Variants in TFCP2L1 observed in about 807,000 individuals in gnomAD.
TFCP2L1 encodes transcription factor CP2 like 1.
Under a neutral mutation model 72.2 loss-of-function variants are expected in TFCP2L1, and 12 were observed. That is an observed-to-expected ratio of 0.17 (90% confidence interval 0.11 to 0.27). The LOEUF (loss-of-function observed/expected upper bound fraction) is 0.27, where lower values mean the gene tolerates loss of function less well. Ranked by LOEUF, TFCP2L1 falls within the 10% of genes least tolerant of loss-of-function variation. The pLI is 1.00. For missense variants in TFCP2L1, 488 were observed against 624.6 expected (o/e 0.78, Z 2.33); for synonymous variants, 260 against 251.0 (o/e 1.04, Z -0.34).
At position 121,285,105 on chromosome 2, in the gene TFCP2L1, A is replaced by G; in HGVS notation, c.5T>C (p.Leu2Pro). 1 of 1,510,694 alleles carries G rather than the reference A, an allele frequency of 6.6e-7. No individual in the cohort carries two copies. Among genetic ancestry groups the G allele is most frequent in the Non-Finnish European group, 8.8e-7 (1 of 1,130,058 alleles). The allele number at this position is 1,510,694 out of a possible 1,614,324, so 93.6% of individuals were successfully genotyped here. Residue 2 changes from leucine to proline, a missense_variant, in exon 1 of 15, where the codon CTC becomes CCC. This residue lies in a region of TFCP2L1 where 73 missense variants were observed against 59.7 expected (regional missense o/e 1.22). Transcript: ENST00000263707. ...GTGCTCGGGCTGCGTGTGCCAGAAG[A>G]GCATGGCTGGAACTCCCAGCGCGCC... M[L>P]FWHTQPEHYN...
intron 2 of TFCP2L1, among the ~76,000 whole-genome samples, chr2:121,269,424 G>GGT (rs931308947): frequency 1.3e-5 from 2 of 151,778 alleles, no homozygotes; most frequent in Non-Finnish European, 2.9e-5. Flanking sequence ...CTCTAGCCTG[G>GGT]GTGACAGAGG....
In TFCP2L1 at chr2:121,259,102, C is replaced by G. The variant is rs369584443; in HGVS notation, c.215-9455G>C. ...GTCTCTAGTAAAAATACAAAATTAG[C>G]CGGATGCGGTGGCTAATCCCAGCTA... On this transcript the variant is annotated intron_variant, in intron 2 of 14. Coordinates refer to ENST00000263707, the MANE Select transcript of TFCP2L1 (RefSeq NM_014553.3). 1.2e-4 allele frequency among the ~76,000 whole-genome samples: 18 copies of G among 152,134 alleles called. 1 individual carries two copies. The East Asian group carries it at 2.1e-3, about 18-fold the overall frequency.
intron 2 of TFCP2L1, among the ~76,000 whole-genome samples, chr2:121,249,897 T>C (rs1234581010): frequency 6.6e-6 from 1 of 152,228 alleles, no homozygotes. Context: ...ATAGCACCTC[T>C]ACAATGTTCA....
At chr2:121,234,885 A>G (rs2104673505) in intron 11 of TFCP2L1, among the ~76,000 whole-genome samples, 1 of 152,332 alleles carries the variant, frequency 6.6e-6, no homozygotes, top group South Asian at 2.1e-4. Flanking sequence ...GCGGGGGAGC[A>G]GCTCCGAGCC....
At chr2:121,243,196 C>T (rs1686413519) in intron 6 of TFCP2L1, among the ~76,000 whole-genome samples, 1 of 152,234 alleles carries the variant, frequency 6.6e-6, no homozygotes, top group Admixed American at 6.5e-5. Context: ...TGACCTCATG[C>T]CTACTTGGCG....
intron 6 of TFCP2L1, among the ~76,000 whole-genome samples, chr2:121,244,549 G>T (rs1289180038): frequency 6.6e-6 from 1 of 152,168 alleles, no homozygotes; most frequent in East Asian, 1.9e-4. Context: ...AGACCACGCA[G>T]CTTCCAGCCC....
chr2:121,269,907 T>TCAAAAAA (rs750107740), intron 2 of TFCP2L1, among the ~76,000 whole-genome samples: 2 of 77,606 alleles, frequency 2.6e-5, no homozygotes, highest in African/African-American at 1.3e-4. Context: ...AGACTCCATC[T>TCAAAAAA]AAAAAAAAAA....
rs777892301 is a variant in TFCP2L1, at chr2:121,246,926, G to A, written c.549C>T (p.Gly183=). 2.4e-5 allele frequency: 38 copies of A among 1,613,952 alleles called. 1 individual carries two copies. Among genetic ancestry groups the A allele is most frequent in the South Asian group, 1.2e-4 (11 of 91,060 alleles). Residue 183 remains glycine (G), a synonymous_variant, in exon 6 of 15, where the codon GGC becomes GGT. Coordinates refer to ENST00000263707, the MANE Select transcript of TFCP2L1 (RefSeq NM_014553.3). ...GGACTCGAAAGGGCACTCCCTTCTC[G>A]CCCCCGTGCTTCCTGGGGGTGAATT... ...STEFTPRKHG[G]EKGVPFRVQI... is the part of the protein sequence containing the mutation.
At chr2:121,275,547 A>C (rs546540145) in intron 2 of TFCP2L1, among the ~76,000 whole-genome samples, 88 of 151,884 alleles carry the variant, frequency 5.8e-4, no homozygotes, top group Non-Finnish European at 1.1e-3. Context: ...TGTTTTTTTA[A>C]GAAAAAGTAT....
At chr2:121,237,402 C>A (rs904387157) in intron 10 of TFCP2L1, among the ~76,000 whole-genome samples, 1 of 152,170 alleles carries the variant, frequency 6.6e-6, no homozygotes, top group Non-Finnish European at 1.5e-5. Context: ...CAGATGGTCC[C>A]CCTCAAGTCA....
At chr2:121,254,802 CAA>C (rs35562172) in intron 2 of TFCP2L1, among the ~76,000 whole-genome samples, 9 of 121,250 alleles carry the variant, frequency 7.4e-5, no homozygotes, top group Admixed American at 8.6e-5. Flanking sequence ...GACTCCGTTT[CAA>C]AAAAAAAAAA....
rs36096257 is a variant in TFCP2L1, at chr2:121,281,207, G to A, written c.127C>T (p.Arg43Cys). Reference sequence around the variant, plus strand: ...AACACATATTGCAGGGGTGGCAGGCGGGCCTCGTTCTCGGGGGACAGCTGG... The same window carrying A: ...AACACATATTGCAGGGGTGGCAGGCAGGCCTCGTTCTCGGGGGACAGCTGG... The part of the protein sequence containing the change: ...EPQLSPENEA[R>C]LPPLQYVLCA... Residue 43 changes from arginine (R) to cysteine (C), a missense_variant, in exon 2 of 15, where the codon CGC becomes TGC. Arg to Cys is a radical substitution (Grantham distance 180). Coordinates refer to ENST00000263707, the MANE Select transcript of TFCP2L1 (RefSeq NM_014553.3). The A allele has an allele frequency of 5.3e-3, 8,589 of 1,613,388 alleles. 94 individuals are homozygous for A. The highest frequency in any genetic ancestry group is 0.036 in the East Asian group (1,617 of 44,838).
At chr2:121,238,000 A>G (rs562348767) in intron 8 of TFCP2L1, 150 bp from the exon 9 acceptor site, 6 of 833,540 alleles carry the variant, frequency 7.2e-6, no homozygotes, top group Non-Finnish European at 1.1e-5. Flanking sequence ...TGAGTCACAG[A>G]AACACAGCAG....
chr2:121,281,318 TC>T, intron 1 of TFCP2L1, 47 bp from the exon 2 acceptor site: 2 of 1,537,898 alleles, frequency 1.3e-6, no homozygotes, highest in Non-Finnish European at 8.7e-7. Flanking sequence ...CCCAGGGGGC[TC>T]CTGCACAGAG....
At chr2:121,259,021 G>A (rs1049289924) in intron 2 of TFCP2L1, among the ~76,000 whole-genome samples, 3 of 152,182 alleles carry the variant, frequency 2.0e-5, no homozygotes, top group Non-Finnish European at 2.9e-5. Flanking sequence ...GCCAAGGCAG[G>A]TGGATCACTT....
At chr2:121,237,101 C>A (rs972903008) in intron 10 of TFCP2L1, among the ~76,000 whole-genome samples, 10 of 152,202 alleles carry the variant, frequency 6.6e-5, no homozygotes, top group Non-Finnish European at 2.9e-5. Context: ...TGACAAGGCT[C>A]ACTGCTCAGT....
intron 2 of TFCP2L1, among the ~76,000 whole-genome samples, chr2:121,270,711 A>G (rs1226771569): frequency 1.3e-5 from 2 of 152,002 alleles, no homozygotes; most frequent in Non-Finnish European, 2.9e-5. Flanking sequence ...TTTGGGGGAA[A>G]AAAAAAAGCA....
At chr2:121,225,302 G>A (rs1210831231) in intron 14 of TFCP2L1, among the ~76,000 whole-genome samples, 2 of 152,128 alleles carry the variant, frequency 1.3e-5, no homozygotes, top group African/African-American at 4.8e-5. Flanking sequence ...AGGACCCCAG[G>A]AAACCCACAA....
chr2:121,235,769 C>T (rs753402281), intron 10 of TFCP2L1, among the ~76,000 whole-genome samples: 88 of 151,642 alleles, frequency 5.8e-4, no homozygotes, highest in South Asian at 1.3e-3. Flanking sequence ...ATGTCATCAG[C>T]ACAGGGCACT....
Sources: gnomAD v4.1 joint callset for allele counts (sites outside exome capture counted in the v4.1 genomes callset) on GRCh38, gnomAD v4.1.1 for gene constraint, gnomAD v4.1.1 regional missense constraint, MANE v1.5 for transcripts, NCBI Gene and HGNC (gene_info 2026-07-23, HGNC 2026-07-21) for gene names.